The following MYO1D variants were observed in gnomAD, a reference collection of about 807,000 sequenced individuals.
The protein encoded by MYO1D is myosin ID.
In MYO1D, 83 loss-of-function variants were observed where a neutral mutation model predicts 122.0. That is an observed-to-expected ratio of 0.68 (90% confidence interval 0.57 to 0.82). The LOEUF (loss-of-function observed/expected upper bound fraction) is 0.82. Ranked by LOEUF, MYO1D falls within the 40% of genes least tolerant of loss-of-function variation. The probability of loss-of-function intolerance (pLI) is 0.00; values close to 1 mark genes in which losing one functional copy is unlikely to be tolerated. For missense variants in MYO1D, 1,157 were observed against 1,269.5 expected, an observed-to-expected ratio of 0.91 and a Z score of 1.35; for synonymous variants, 464 against 446.9, an observed-to-expected ratio of 1.04 and a Z score of -0.48.
chr17:32,617,158 C>A (rs927307277), intron 20 of MYO1D, among the ~76,000 whole-genome samples: 1 of 151,934 alleles, frequency 6.6e-6, no homozygotes, highest in Non-Finnish European at 1.5e-5. Flanking sequence ...CTAGCCTGGG[C>A]AATAGAGTAG....
At chr17:32,604,796 C>T (rs778631589) in intron 21 of MYO1D, among the ~76,000 whole-genome samples, 19 of 152,264 alleles carry the variant, frequency 1.2e-4, no homozygotes, top group Non-Finnish European at 2.4e-4. Flanking sequence ...AGTAATTTGT[C>T]TATCTTTTGG....
intron 6 of MYO1D, among the ~76,000 whole-genome samples, chr17:32,768,669 T>C (rs922333880): frequency 8.5e-5 from 13 of 152,180 alleles, no homozygotes; most frequent in Admixed American, 8.5e-4. Context: ...TTTTTGTTTT[T>C]ACCTTGGACA....
intron 21 of MYO1D, among the ~76,000 whole-genome samples, chr17:32,512,648 C>T (rs1355579156): frequency 6.6e-6 from 1 of 152,254 alleles, no homozygotes; most frequent in Admixed American, 6.5e-5. Context: ...CCTCGTGCTA[C>T]TCCCCACAGA....
At chr17:32,813,189 C>T (rs780738535) in intron 1 of MYO1D, among the ~76,000 whole-genome samples, 1 of 152,192 alleles carries the variant, frequency 6.6e-6, no homozygotes, top group Non-Finnish European at 1.5e-5. Flanking sequence ...AGACTAGGTT[C>T]TTACACAACC....
At chr17:32,662,627 C>T (rs1014104459) in intron 16 of MYO1D, among the ~76,000 whole-genome samples, 8 of 151,758 alleles carry the variant, frequency 5.3e-5, no homozygotes, top group Non-Finnish European at 1.0e-4. Context: ...GAGCTGAGAT[C>T]GCACCATTGC....
chr17:32,840,358 G>A (rs964894868), intron 1 of MYO1D, among the ~76,000 whole-genome samples: 5 of 151,986 alleles, frequency 3.3e-5, no homozygotes, highest in Non-Finnish European at 5.9e-5. Flanking sequence ...CTCAACGTGG[G>A]AGTGATTTAC....
chr17:32,605,219 T>A lies in MYO1D; in HGVS notation c.2732A>T (p.Asn911Ile). ...LYNLTGLSVS[N>I]GKDQLVVFHT... ...GAACACTACAAGTTGGTCCTTTCCA[T>A]TGGAGACACTCAGACCAGTCAACTG... The change falls in exon 21 of 22, where the codon AAT (asparagine) becomes ATT (isoleucine). Residue 911 changes from asparagine to isoleucine, a missense_variant. Asn to Ile is a moderately radical substitution (Grantham distance 149). Coordinates refer to ENST00000318217, the MANE Select transcript of MYO1D (RefSeq NM_015194.3). 6.3e-7 allele frequency: 1 copy of A among 1,583,930 alleles called. No individual in the cohort carries two copies. Among genetic ancestry groups the A allele is most frequent in the Non-Finnish European group, 8.6e-7 (1 of 1,157,438 alleles).
chr17:32,739,453 C>T (rs1244924937), intron 13 of MYO1D, among the ~76,000 whole-genome samples: 15 of 134,416 alleles, frequency 1.1e-4, no homozygotes, highest in African/African-American at 1.4e-4. Context: ...TGAGAACACT[C>T]GGACAGAGGA....
At position 32,560,854 on chromosome 17, in the gene MYO1D, G is replaced by A. The variant is rs954023234; in HGVS notation, c.2864+44233C>T. On this transcript the variant is annotated intron_variant, in intron 21 of 21. Transcript: ENST00000318217. ...AGGCTGGTTTCAAATTCCCGATCTC[G>A]TGATCTGCCCGCCTTGGCCTCCCAA... 9.4e-4 allele frequency among the ~76,000 whole-genome samples: 141 copies of A among 150,470 alleles called. 1 individual carries two copies. The highest frequency in any genetic ancestry group is 1.9e-3 in the Non-Finnish European group (127 of 67,786).
At chr17:32,516,828 T>C (rs1341497986) in intron 21 of MYO1D, among the ~76,000 whole-genome samples, 1 of 152,244 alleles carries the variant, frequency 6.6e-6, no homozygotes, top group African/African-American at 2.4e-5. Flanking sequence ...TGCTACTTGC[T>C]ACACCATTTG....
chr17:32,542,803 G>C lies in MYO1D; in HGVS notation c.2865-47888C>G, dbSNP rs1910878683. On this transcript the variant is annotated intron_variant, in intron 21 of 21. Coordinates refer to ENST00000318217, the MANE Select transcript of MYO1D (RefSeq NM_015194.3). ...GTGGGAAGCTGCCCTCCAACCCTTAGAAGTAGTGAGTTCCCTAACCCCAGA... is the reference window on the plus strand; with the variant it reads ...GTGGGAAGCTGCCCTCCAACCCTTACAAGTAGTGAGTTCCCTAACCCCAGA... 2.0e-5 allele frequency among the ~76,000 whole-genome samples: 3 copies of C among 152,138 alleles called. No homozygotes were observed. In the South Asian group the frequency reaches 6.2e-4, roughly 32 times the overall value.
chr17:32,712,915 T>G (rs2089397094), intron 15 of MYO1D, among the ~76,000 whole-genome samples: 1 of 152,042 alleles, frequency 6.6e-6, no homozygotes, highest in African/African-American at 2.4e-5. Context: ...TTTGCCATAT[T>G]CTACTTTGTC....
intron 19 of MYO1D, among the ~76,000 whole-genome samples, chr17:32,653,359 C>T (rs1597974338): frequency 6.6e-6 from 1 of 151,534 alleles, no homozygotes; most frequent in East Asian, 1.9e-4. Context: ...GGAATCCCAG[C>T]ACTTTAGGAG....
chr17:32,517,827 T>C (rs1389451044), intron 21 of MYO1D, among the ~76,000 whole-genome samples: 1 of 152,212 alleles, frequency 6.6e-6, no homozygotes, highest in Non-Finnish European at 1.5e-5. Context: ...AAAGAAGAAT[T>C]ACAAGAATGA....
intron 15 of MYO1D, among the ~76,000 whole-genome samples, chr17:32,719,424 A>G (rs1456654419): frequency 6.9e-6 from 1 of 145,874 alleles, no homozygotes; most frequent in Non-Finnish European, 1.5e-5. Context: ...ATCTTGGCTC[A>G]CTGCAAGCTC....
At chr17:32,606,712 A>G (rs1026266595) in intron 20 of MYO1D, among the ~76,000 whole-genome samples, 4 of 152,276 alleles carry the variant, frequency 2.6e-5, no homozygotes, top group Non-Finnish European at 5.9e-5. Flanking sequence ...TGATAAAATG[A>G]CATATACAAC....
chr17:32,660,306 T>C (rs1351715258), intron 16 of MYO1D, among the ~76,000 whole-genome samples: 1 of 152,182 alleles, frequency 6.6e-6, no homozygotes, highest in Non-Finnish European at 1.5e-5. Context: ...ATTATTTCCC[T>C]CCCTAGTCCC....
chr17:32,564,774 A>C (rs1336303948), intron 21 of MYO1D, among the ~76,000 whole-genome samples: 3 of 152,170 alleles, frequency 2.0e-5, no homozygotes, highest in Admixed American at 2.0e-4. Flanking sequence ...TAAGGCATCA[A>C]CTGAGGCTCC....
intron 1 of MYO1D, among the ~76,000 whole-genome samples, chr17:32,815,622 C>T (rs1217811106): frequency 3.3e-5 from 5 of 152,194 alleles, no homozygotes; most frequent in Non-Finnish European, 7.3e-5. Context: ...AAAGAGCACA[C>T]GCTTTGGCAA....
Sources: gnomAD v4.1 joint callset for allele counts (sites outside exome capture counted in the v4.1 genomes callset) on GRCh38, gnomAD v4.1.1 for gene constraint, MANE v1.5 for transcripts, NCBI Gene and HGNC (gene_info 2026-07-23, HGNC 2026-07-21) for gene names.